GRM5: variants seen among roughly 807,000 people sequenced by gnomAD.
GRM5 encodes glutamate metabotropic receptor 5, also known as metabotropic glutamate receptor 5.
GRM5 carries 19 observed loss-of-function variants against 83.1 expected under a neutral mutation model. The observed-to-expected ratio is 0.23, with a 90% CI of 0.16 to 0.34. GRM5 has a LOEUF of 0.34. Ranked by LOEUF, GRM5 falls within the 10% of genes least tolerant of loss-of-function variation. The pLI, the probability that GRM5 is intolerant of heterozygous loss-of-function variation, is 1.00. For missense variants in GRM5, 1,160 were observed against 1,588.3 expected (o/e 0.73, Z 4.58); for synonymous variants, 675 against 633.6 (o/e 1.07, Z -0.98).
At chr11:88,618,085 G>A (rs1938531967) in intron 4 of GRM5, among the ~76,000 whole-genome samples, 1 of 152,168 alleles carries the variant, frequency 6.6e-6, no homozygotes, top group Admixed American at 6.5e-5. Context: ...CACTCAATGA[G>A]GCATATGTTT....
chr11:88,512,224 T>C (rs1565318180), intron 9 of GRM5: 1 of 153,124 alleles, frequency 6.5e-6, no homozygotes, highest in Non-Finnish European at 1.5e-5. Flanking sequence ...TATTGACATC[T>C]TTTTCCTGGC....
chr11:88,880,035 G>C (rs1348106439), intron 2 of GRM5, among the ~76,000 whole-genome samples: 1 of 152,060 alleles, frequency 6.6e-6, no homozygotes, highest in Non-Finnish European at 1.5e-5. Context: ...AGAAATGCTT[G>C]AGATTTCAAT....
At chr11:88,883,877 A>G (rs1336557796) in intron 2 of GRM5, among the ~76,000 whole-genome samples, 1 of 152,140 alleles carries the variant, frequency 6.6e-6, no homozygotes, top group Non-Finnish European at 1.5e-5. Flanking sequence ...TCAAGAATTG[A>G]GGTTTGGAAA....
chr11:88,904,901 T>C (rs1945378280), intron 2 of GRM5, among the ~76,000 whole-genome samples: 1 of 152,166 alleles, frequency 6.6e-6, no homozygotes, highest in Admixed American at 6.6e-5. Context: ...TCAGGCTGCA[T>C]TATTTGTTAA....
chr11:88,889,705 T>G (rs1945107968), intron 2 of GRM5, among the ~76,000 whole-genome samples: 1 of 152,188 alleles, frequency 6.6e-6, no homozygotes, highest in Non-Finnish European at 1.5e-5. Context: ...GAAAAAAATT[T>G]TTATTTTTCT....
Position 89,043,780 on chromosome 11 carries a change from A to T in GRM5, c.661+3432T>A, listed in dbSNP as rs1941583785. On this transcript the variant is annotated intron_variant, in intron 2 of 9. Coordinates refer to ENST00000305447, the MANE Select transcript of GRM5 (RefSeq NM_001143831.3). ...GATTGCAATTAGCTGTGGGTTGGAA[A>T]GGCAATTTTGTTGATCTGCATTGCA... is the stretch of plus-strand genomic sequence containing the variant. 3.9e-5 allele frequency among the ~76,000 whole-genome samples: 6 copies of T among 152,106 alleles called. No individual in the cohort carries two copies. In the South Asian group the frequency reaches 1.0e-3, roughly 26 times the overall value.
intron 3 of GRM5, among the ~76,000 whole-genome samples, chr11:88,671,646 T>C (rs1395550334): frequency 1.3e-5 from 2 of 152,034 alleles, no homozygotes; most frequent in Admixed American, 1.3e-4. Context: ...ATAAACATAA[T>C]ACCAAGTTAA....
At chr11:88,542,214 C>T (rs1942283606) in intron 8 of GRM5, among the ~76,000 whole-genome samples, 1 of 152,082 alleles carries the variant, frequency 6.6e-6, no homozygotes, top group Non-Finnish European at 1.5e-5. Context: ...AACTGAGGCA[C>T]AGAGTGGCTG....
intron 8 of GRM5, among the ~76,000 whole-genome samples, chr11:88,563,021 C>T (rs981397776): frequency 1.3e-5 from 2 of 152,148 alleles, no homozygotes; most frequent in African/African-American, 4.8e-5. Flanking sequence ...AGAAATCTCC[C>T]TCCACAATTT....
At chr11:88,685,249 A>G (rs891709162) in intron 3 of GRM5, among the ~76,000 whole-genome samples, 2 of 152,192 alleles carry the variant, frequency 1.3e-5, no homozygotes, top group Non-Finnish European at 2.9e-5. Context: ...TGTTTTAGCA[A>G]AGAGACTGGC....
chr11:88,683,796 A>T (rs956203818), intron 3 of GRM5, among the ~76,000 whole-genome samples: 1 of 152,250 alleles, frequency 6.6e-6, no homozygotes, highest in Non-Finnish European at 1.5e-5. Flanking sequence ...GCAATATATG[A>T]TAAGAGATAA....
chr11:88,525,725 T>A (rs1250948097), intron 8 of GRM5, among the ~76,000 whole-genome samples: 1 of 152,202 alleles, frequency 6.6e-6, no homozygotes, highest in Non-Finnish European at 1.5e-5. Context: ...AAGATGAATA[T>A]CAATCAACAC....
At chr11:88,967,833 T>C (rs1939032758) in intron 2 of GRM5, among the ~76,000 whole-genome samples, 1 of 152,036 alleles carries the variant, frequency 6.6e-6, no homozygotes, top group Non-Finnish European at 1.5e-5. Context: ...AGGCAGCTTC[T>C]ATGGAAGATG....
At chr11:88,511,874 C>G (rs949401448) in intron 9 of GRM5, 26 of 152,256 alleles carry the variant, frequency 1.7e-4, no homozygotes, top group Admixed American at 1.7e-3. Context: ...ACAGGTGTTT[C>G]GAAAGGTACA....
intron 3 of GRM5, among the ~76,000 whole-genome samples, chr11:88,829,855 C>CA (rs1256124990): frequency 6.6e-6 from 1 of 151,684 alleles, no homozygotes; most frequent in Non-Finnish European, 1.5e-5. Flanking sequence ...TATGTACAAG[C>CA]AAAAAACGGC....
chr11:88,676,571 A>C (rs568828316), intron 3 of GRM5, among the ~76,000 whole-genome samples: 32 of 152,074 alleles, frequency 2.1e-4, no homozygotes, highest in Non-Finnish European at 3.4e-4. Context: ...AATATGCACA[A>C]GATGCTATAG....
At chr11:88,652,302 G>A (rs1939651550) in intron 4 of GRM5, among the ~76,000 whole-genome samples, 1 of 151,820 alleles carries the variant, frequency 6.6e-6, no homozygotes, top group Non-Finnish European at 1.5e-5. Context: ...AAAATCCTTT[G>A]TCAATTTTTA....
intron 2 of GRM5, among the ~76,000 whole-genome samples, chr11:89,002,596 T>A (rs1297467786): frequency 3.3e-5 from 5 of 152,286 alleles, no homozygotes; most frequent in African/African-American, 1.2e-4. Context: ...AAGGGCAACT[T>A]TTACTTTGCA....
At chr11:88,854,968 TAAGATA>T (rs1350085191) in intron 2 of GRM5, among the ~76,000 whole-genome samples, 1 of 151,824 alleles carries the variant, frequency 6.6e-6, no homozygotes, top group African/African-American at 2.4e-5. Flanking sequence ...TTGGCCACTT[TAAGATA>T]AAGATAATAA....
Sources: allele counts gnomAD v4.1 joint callset (sites outside exome capture counted in the v4.1 genomes callset), GRCh38; gene constraint gnomAD v4.1.1; transcripts MANE v1.5; gene names NCBI Gene and HGNC (gene_info 2026-07-23, HGNC 2026-07-21).